Variants in RAB38 observed in about 807,000 individuals in gnomAD.
RAB38 encodes the protein ras-related protein Rab-38.
In RAB38, 15 loss-of-function variants were observed where a neutral mutation model predicts 18.4. That is an observed-to-expected ratio of 0.82 (90% CI 0.55 to 1.26). The LOEUF (loss-of-function observed/expected upper bound fraction) is 1.26. RAB38 is among the 50% of genes most tolerant of loss of function. The pLI, the probability that RAB38 is intolerant of heterozygous loss-of-function variation, is 0.00. For missense variants in RAB38, 294 were observed against 267.4 expected (o/e 1.10, Z -0.69); for synonymous variants, 101 against 104.4 (o/e 0.97, Z 0.20).
At chr11:87,944,585 T>A in the RAB38 span, among the ~76,000 whole-genome samples, 2 of 152,178 alleles carry the variant, frequency 1.3e-5, no homozygotes, top group Non-Finnish European at 2.9e-5. Context: ...ACAGCAAATG[T>A]GTGGTCACCT....
chr11:87,889,173 G>GTCCC, the RAB38 span, among the ~76,000 whole-genome samples: 13 of 11,812 alleles, frequency 1.1e-3, no homozygotes, highest in African/African-American at 2.9e-3. Flanking sequence ...AACTGCTGAT[G>GTCCC]TGCCTGCCCA....
the RAB38 span, among the ~76,000 whole-genome samples, chr11:87,975,919 G>T: frequency 2.0e-5 from 3 of 151,242 alleles, no homozygotes; most frequent in Admixed American, 6.6e-5. Context: ...GATTAAAATG[G>T]CATTTAAAAG....
chr11:87,898,336 A>G, the RAB38 span, among the ~76,000 whole-genome samples: 4 of 151,676 alleles, frequency 2.6e-5, no homozygotes, highest in Admixed American at 2.6e-4. Flanking sequence ...CTTTTTCCCT[A>G]GTATGCTGTA....
chr11:88,149,213 G>C (rs1943031842), intron 2 of RAB38, among the ~76,000 whole-genome samples: 1 of 152,192 alleles, frequency 6.6e-6, no homozygotes, highest in South Asian at 2.1e-4. Context: ...TATGCCCAAT[G>C]TAGTGTTTGC....
chr11:88,054,200 T>C, the RAB38 span, among the ~76,000 whole-genome samples: 2 of 152,166 alleles, frequency 1.3e-5, no homozygotes, highest in African/African-American at 4.8e-5. Flanking sequence ...ATAACATTTT[T>C]CTTGCATGTA....
chr11:87,956,748 C>G, the RAB38 span, among the ~76,000 whole-genome samples: 7 of 152,014 alleles, frequency 4.6e-5, no homozygotes, highest in African/African-American at 1.4e-4. Context: ...TTTAATCTAC[C>G]TTAACTGAAA....
At chr11:87,907,722 A>T in the RAB38 span, among the ~76,000 whole-genome samples, 1 of 151,682 alleles carries the variant, frequency 6.6e-6, no homozygotes, top group South Asian at 2.1e-4. Context: ...TTTTTTAAAA[A>T]TAAATTGCTA....
chr11:87,858,160 G>T, the RAB38 span, among the ~76,000 whole-genome samples: 1 of 152,146 alleles, frequency 6.6e-6, no homozygotes, highest in Non-Finnish European at 1.5e-5. Flanking sequence ...GTTTGTCAAA[G>T]ATCAGATGGT....
the RAB38 span, among the ~76,000 whole-genome samples, chr11:87,826,542 A>G: frequency 1.3e-5 from 2 of 152,168 alleles, no homozygotes; most frequent in African/African-American, 4.8e-5. Flanking sequence ...CTTGGAAAAG[A>G]CAGGAAGTGA....
At chr11:87,927,461 A>T in the RAB38 span, among the ~76,000 whole-genome samples, 2 of 151,958 alleles carry the variant, frequency 1.3e-5, no homozygotes, top group Non-Finnish European at 2.9e-5. Flanking sequence ...AGAGTTCTCT[A>T]AACAGAACCT....
chr11:87,881,900 A>G, the RAB38 span, among the ~76,000 whole-genome samples: 1 of 151,866 alleles, frequency 6.6e-6, no homozygotes, highest in African/African-American at 2.4e-5. Context: ...CAATGAGCAA[A>G]GGGCTGGTTG....
At chr11:88,153,141 T>A (rs1383019849) in intron 1 of RAB38, among the ~76,000 whole-genome samples, 3 of 152,266 alleles carry the variant, frequency 2.0e-5, no homozygotes, top group African/African-American at 7.2e-5. Context: ...GTCTTAATTT[T>A]ACTTACTGGT....
intron 1 of RAB38, among the ~76,000 whole-genome samples, chr11:88,152,317 T>G: frequency 6.6e-6 from 1 of 152,168 alleles, no homozygotes; most frequent in East Asian, 1.9e-4. Context: ...TCCTCAAGAA[T>G]AAAGATTTTG....
chr11:87,940,083 A>G, the RAB38 span, among the ~76,000 whole-genome samples: 1 of 152,104 alleles, frequency 6.6e-6, no homozygotes, highest in African/African-American at 2.4e-5. Context: ...TTGAGAAGAT[A>G]AATAATATTG....
chr11:88,066,906 C>T, the RAB38 span, among the ~76,000 whole-genome samples: 2 of 152,214 alleles, frequency 1.3e-5, no homozygotes, highest in African/African-American at 4.8e-5. Context: ...TCAGAAAGTT[C>T]CCTGAGGCCC....
At chr11:88,049,234 C>T in the RAB38 span, among the ~76,000 whole-genome samples, 1 of 152,128 alleles carries the variant, frequency 6.6e-6, no homozygotes, top group Admixed American at 6.5e-5. Context: ...GGTGTCTGAG[C>T]CAAAGCTAAG....
At chr11:87,948,321 T>A in the RAB38 span, among the ~76,000 whole-genome samples, 1 of 152,340 alleles carries the variant, frequency 6.6e-6, no homozygotes. Flanking sequence ...TTTCTAGATA[T>A]ACAACCATGT....
rs575008593 is a variant in RAB38, at chr11:88,153,345, A to G, written c.203-3390T>C. ...GACTCAGCTAAAAATACACACAAAC[A>G]TCACAGCTAAAATGTATATCTAGCA... On this transcript the variant is annotated intron_variant, in intron 1 of 2. Coordinates refer to ENST00000243662, the MANE Select transcript of RAB38 (RefSeq NM_022337.3). 3.9e-5 allele frequency among the ~76,000 whole-genome samples: 6 copies of G among 152,312 alleles called. No individual in the cohort carries two copies. In the East Asian group the frequency reaches 9.6e-4, roughly 24 times the overall value.
chr11:87,969,918 G>A, the RAB38 span, among the ~76,000 whole-genome samples: 1 of 152,090 alleles, frequency 6.6e-6, no homozygotes, highest in Admixed American at 6.6e-5. Flanking sequence ...CATATTTGAG[G>A]AGAGGTAGGG....
Sources: gnomAD v4.1 joint callset for allele counts (sites outside exome capture counted in the v4.1 genomes callset) on GRCh38, gnomAD v4.1.1 for gene constraint, MANE v1.5 for transcripts, NCBI Gene and HGNC (gene_info 2026-07-23, HGNC 2026-07-21) for gene names.